SGK2: variants seen among roughly 807,000 people sequenced by gnomAD.
SGK2 encodes the protein serine/threonine-protein kinase Sgk2.
Under a neutral mutation model 47.5 loss-of-function variants are expected in SGK2, and 36 were observed. That is an observed-to-expected ratio of 0.76 (90% CI 0.58 to 1.00). The LOEUF (loss-of-function observed/expected upper bound fraction) is 1.00. SGK2 is among the 50% of genes least tolerant of loss of function. The pLI, the probability that SGK2 is intolerant of heterozygous loss-of-function variation, is 0.00. For missense variants in SGK2, 404 were observed against 467.4 expected (o/e 0.86, Z 1.25); for synonymous variants, 157 against 181.9 (o/e 0.86, Z 1.10).
chr20:43,580,896 G>A (rs1301592370), intron 12 of SGK2, among the ~76,000 whole-genome samples: 1 of 150,862 alleles, frequency 6.6e-6, no homozygotes, highest in Non-Finnish European at 1.5e-5. Flanking sequence ...TTTTTCTTGA[G>A]ATGGAGTCTC....
intron 12 of SGK2, among the ~76,000 whole-genome samples, chr20:43,582,822 G>A (rs1267825419): frequency 6.6e-6 from 1 of 151,994 alleles, no homozygotes; most frequent in Non-Finnish European, 1.5e-5. Flanking sequence ...CGAGTAGCTG[G>A]GACTACAGGC....
intron 10 of SGK2, among the ~76,000 whole-genome samples, 153 bp downstream of exon 10, chr20:43,575,157 A>T (rs560207369): frequency 1.3e-5 from 2 of 152,274 alleles, no homozygotes; most frequent in African/African-American, 4.8e-5. Flanking sequence ...GCAAATTATT[A>T]TTTTTTTCAA....
rs551488656 is a variant in SGK2 at position 43,574,819 on chromosome 20, C to G, written c.598-90C>G. ...GAGCACACGTACAGCAGGGTCAGCT[C>G]TTGGTCATCTTCCTCCAAGTGCCTT... On this transcript the variant is annotated intron_variant, in intron 9 of 12. Transcript: ENST00000373100. 287 of 869,376 alleles carry G rather than the reference C, an allele frequency of 3.3e-4. 5 individuals carry two copies. The South Asian group carries it at 4.0e-3, about 12-fold the overall frequency. 53.9% of individuals were successfully genotyped at this position (869,376 alleles called of 1,614,324 possible).
Position 43,567,934 on chromosome 20 carries a change from A to G in SGK2, c.163A>G (p.Lys55Glu). 6 of 1,614,184 alleles carry G rather than the reference A, an allele frequency of 3.7e-6. No homozygotes were observed. Among genetic ancestry groups the G allele is most frequent in the Non-Finnish European group, 5.1e-6 (6 of 1,180,008 alleles). The change falls in exon 5 of 13, where the codon AAG (lysine) becomes GAG (glutamate). Residue 55 changes from lysine to glutamate, a missense_variant. Coordinates refer to ENST00000373100, the MANE Select transcript of SGK2 (RefSeq NM_170693.3). ...TTCTCAGGTCCTACTGGCCAAGCGCAAGTCTGATGGGGCGTTCTATGCAGT... is the reference window on the plus strand; with the variant it reads ...TTCTCAGGTCCTACTGGCCAAGCGCGAGTCTGATGGGGCGTTCTATGCAGT... The part of the protein sequence containing the change: ...NYGKVLLAKR[K>E]SDGAFYAVKV...
Position 43,570,739 on chromosome 20 carries a change from GCC to G in SGK2, c.473+11_473+12del, listed in dbSNP as rs1980052366. On this transcript the variant is annotated intron_variant, in intron 7 of 12. Transcript: ENST00000373100. ...TCAACATCATTTACAGGTGAGGCCT[GCC>G]TGTGGCTCAGAGCCAGGACCAAGCC... 1.8e-5 allele frequency: 29 copies of G among 1,591,470 alleles called. No individual in the cohort carries two copies. The highest frequency in any genetic ancestry group is 2.5e-5 in the Non-Finnish European group (29 of 1,160,636).
Position 43,571,202 on chromosome 20 carries a change from ATGTG to A in SGK2, c.510+149_510+152del, listed in dbSNP as rs1283306048. On this transcript the variant is annotated intron_variant, in intron 8 of 12. Transcript: ENST00000373100. ...ATAGGTAGAGGAGGCATTTGAGCAT[ATGTG>A]TGTGTGCCCATGCACATGTACACAC... 6 of 1,342,960 alleles carry A rather than the reference ATGTG, an allele frequency of 4.5e-6. No individual in the cohort carries two copies. The African/African-American group carries it at 8.9e-5, about 20-fold the overall frequency. The allele number at this position is 1,342,960 out of a possible 1,614,324, so 83.2% of individuals were successfully genotyped here. A position where few individuals can be genotyped will look rare whatever the true frequency, so the allele number is the denominator to read the frequency against.
rs767150613 is a variant in SGK2 at position 43,566,364 on chromosome 20, T to C, written c.-23-109T>C. 5.0e-6 allele frequency: 8 copies of C among 1,613,818 alleles called. No homozygotes were observed. In the East Asian group the frequency reaches 1.6e-4, roughly 31 times the overall value. On this transcript the variant is annotated intron_variant, in intron 1 of 12. Transcript: ENST00000373100. ...TAGGAAACCCTCAGGCGGTGGCAGG[T>C]GCACAGGTAGGGGAGGATGGAGAGG...
Position 43,576,298 on chromosome 20 carries a change from C to G in SGK2, c.768C>G (p.Gly256=). 6.2e-7 allele frequency: 1 copy of G among 1,614,224 alleles called. No individual in the cohort carries two copies. Among genetic ancestry groups the G allele is most frequent in the Admixed American group, 1.7e-5 (1 of 60,028 alleles). The change falls in exon 11 of 13, where the codon GGC becomes GGG. Residue 256 remains glycine, a synonymous_variant. Coordinates refer to ENST00000373100, the MANE Select transcript of SGK2 (RefSeq NM_170693.3). Reference sequence around the variant, plus strand: ...ACCAGCCGCTACAGATCCCCGGAGGCCGGACAGTGGCCGCCTGTGACCTCC... The same window carrying G: ...ACCAGCCGCTACAGATCCCCGGAGGGCGGACAGTGGCCGCCTGTGACCTCC... ...ILHQPLQIPG[G]RTVAACDLLQ...
chr20:43,561,717 G>A (rs984279265), intron 1 of SGK2, among the ~76,000 whole-genome samples: 6 of 125,118 alleles, frequency 4.8e-5, no homozygotes, highest in Non-Finnish European at 1.0e-4. Flanking sequence ...TAGGTGTGTT[G>A]AGAAACCACT....
chr20:43,569,732 T>C (rs1979980883), intron 6 of SGK2: 1 of 547,572 alleles, frequency 1.8e-6, no homozygotes, highest in Non-Finnish European at 3.3e-6. Flanking sequence ...TCAGGTCTGT[T>C]AGACTCCCCA....
At chr20:43,581,325 T>TA (rs1980784138) in intron 12 of SGK2, among the ~76,000 whole-genome samples, 1 of 152,198 alleles carries the variant, frequency 6.6e-6, no homozygotes, top group Non-Finnish European at 1.5e-5. Context: ...AAATACAATT[T>TA]TTAGTGGCTG....
chr20:43,574,708 T>A (rs1191058487), intron 9 of SGK2, among the ~76,000 whole-genome samples: 1 of 152,224 alleles, frequency 6.6e-6, no homozygotes, highest in African/African-American at 2.4e-5. Flanking sequence ...GGCTGACCTC[T>A]TCTACATCCC....
At chr20:43,571,770 C>T (rs1238547160) in intron 8 of SGK2, among the ~76,000 whole-genome samples, 2 of 152,186 alleles carry the variant, frequency 1.3e-5, no homozygotes, top group Non-Finnish European at 2.9e-5. Flanking sequence ...AGTCCCCAGC[C>T]TCTGTCTAGG....
chr20:43,567,128 G>C lies in SGK2; in HGVS notation c.86+11G>C, dbSNP rs1369697580. On this transcript the variant is annotated intron_variant, in intron 3 of 12. Transcript: ENST00000373100. Reference sequence around the variant, plus strand: ...TTCAGCCAACCCAAAGTGAGTTCTGGTCCCTCAAGCACCTTTCCTACTTGA... The same window carrying C: ...TTCAGCCAACCCAAAGTGAGTTCTGCTCCCTCAAGCACCTTTCCTACTTGA... 3 of 1,612,922 alleles carry C rather than the reference G, an allele frequency of 1.9e-6. No individual in the cohort carries two copies. The highest frequency in any genetic ancestry group is 2.5e-6 in the Non-Finnish European group (3 of 1,178,958).
intron 12 of SGK2, 58 bp downstream of exon 12, chr20:43,580,119 CT>C: frequency 9.4e-7 from 1 of 1,062,048 alleles, no homozygotes; most frequent in African/African-American, 1.6e-5. Flanking sequence ...GCTTGCTATG[CT>C]TGCCAACTCT....
intron 11 of SGK2, among the ~76,000 whole-genome samples, chr20:43,578,756 G>A (rs112803866): frequency 0.014 from 2,104 of 152,202 alleles, 52 homozygotes; most frequent in African/African-American, 0.048. Flanking sequence ...ACTGTAAATC[G>A]TAACAACAGT....
rs532990455 is a variant in SGK2, at chr20:43,573,484, T to G, written c.597+1347T>G. On this transcript the variant is annotated intron_variant, in intron 9 of 12. Transcript: ENST00000373100. ...AGCCTGGTGGACAAGAGCGAGACTC[T>G]GTCTCAAAAAAAAAAAAAAAAAAAA... Among the ~76,000 whole-genome samples the G allele has an allele frequency of 7.7e-5, 8 of 104,302 alleles. No homozygotes were observed. The South Asian group carries it at 3.0e-3, about 39-fold the overall frequency. The allele number at this position is 104,302 out of a possible 152,430, so 68.4% of individuals were successfully genotyped here.
At chr20:43,575,328 T>A (rs1231776447) in intron 10 of SGK2, among the ~76,000 whole-genome samples, 2 of 151,916 alleles carry the variant, frequency 1.3e-5, no homozygotes, top group Non-Finnish European at 2.9e-5. Flanking sequence ...CTGGGCGTGG[T>A]GGCGGGCACC....
intron 6 of SGK2, 65 bp downstream of exon 6, chr20:43,569,581 G>T: frequency 6.4e-7 from 1 of 1,568,352 alleles, no homozygotes; most frequent in Non-Finnish European, 8.7e-7. Context: ...CATCCCACAT[G>T]CCCACTGCAT....
Sources: allele counts gnomAD v4.1 joint callset (sites outside exome capture counted in the v4.1 genomes callset), GRCh38; gene constraint gnomAD v4.1.1; transcripts MANE v1.5; gene names NCBI Gene and HGNC (gene_info 2026-07-23, HGNC 2026-07-21).